PHF14: variants seen among roughly 807,000 people sequenced by gnomAD.
PHF14 encodes the protein PHD finger protein 14.
Under a neutral mutation model 117.9 loss-of-function variants are expected in PHF14, and 55 were observed. The observed-to-expected ratio is 0.47, with a 90% confidence interval of 0.38 to 0.58. The LOEUF is 0.58. Ranked by LOEUF, PHF14 falls within the 20% of genes least tolerant of loss-of-function variation. The pLI, the probability that PHF14 is intolerant of heterozygous loss-of-function variation, is 0.00. For missense variants in PHF14, 978 were observed against 1,122.2 expected (o/e 0.87, Z 1.84); for synonymous variants, 409 against 368.6 (o/e 1.11, Z -1.26).
intron 3 of PHF14, among the ~76,000 whole-genome samples, chr7:10,983,940 TTGTC>T (rs374242270): frequency 5.4e-4 from 82 of 152,270 alleles, no homozygotes; most frequent in African/African-American, 7.9e-4. Context: ...TTGTGTCTCT[TTGTC>T]TGTGTGTTTT....
intron 14 of PHF14, among the ~76,000 whole-genome samples, chr7:11,054,999 C>T (rs2128327660): frequency 6.6e-6 from 1 of 152,210 alleles, no homozygotes; most frequent in South Asian, 2.1e-4. Flanking sequence ...AGCTCATGGA[C>T]CTGAACTCCT....
At position 11,071,868 on chromosome 7, in the gene PHF14, A is replaced by T. The variant is rs145183451; in HGVS notation, c.2654+9783A>T. ...ATGAAAAAATTACACCATTTTATTC[A>T]TTCTTCAACTCAGTACTTTTAATTT... is the stretch of plus-strand genomic sequence containing the variant. On this transcript the variant is annotated intron_variant, in intron 16 of 17. Coordinates refer to ENST00000634607, the MANE Select transcript of PHF14 (RefSeq NM_001007157.2). 4.6e-3 allele frequency among the ~76,000 whole-genome samples: 703 copies of T among 152,338 alleles called. 4 individuals carry two copies. Among genetic ancestry groups the T allele is most frequent in the African/African-American group, 0.016 (672 of 41,568 alleles).
intron 12 of PHF14, 66 bp from the exon 13 acceptor site, chr7:11,042,617 C>T: frequency 9.0e-7 from 1 of 1,107,056 alleles, no homozygotes; most frequent in Non-Finnish European, 1.3e-6. Flanking sequence ...GAAAAATATG[C>T]TATAAGTAAA....
intron 12 of PHF14, among the ~76,000 whole-genome samples, chr7:11,042,388 G>A (rs1004198034): frequency 1.3e-5 from 2 of 151,806 alleles, no homozygotes; most frequent in African/African-American, 4.8e-5. Context: ...AAATTAAAAT[G>A]AATATGATGT....
chr7:10,996,088 CATT>C (rs1207811565), intron 4 of PHF14, among the ~76,000 whole-genome samples: 30 of 152,338 alleles, frequency 2.0e-4, no homozygotes, highest in Non-Finnish European at 4.3e-4. Context: ...TGTCACCTAT[CATT>C]ATGATGGATG....
chr7:11,166,508 C>A (rs573364054), intron 17 of PHF14, among the ~76,000 whole-genome samples: 1 of 151,918 alleles, frequency 6.6e-6, no homozygotes, highest in South Asian at 2.1e-4. Flanking sequence ...TCTGGAACTG[C>A]GTATAAATTC....
intron 17 of PHF14, among the ~76,000 whole-genome samples, chr7:11,118,176 A>G (rs1385699076): frequency 1.3e-5 from 2 of 151,978 alleles, no homozygotes; most frequent in African/African-American, 4.8e-5. Flanking sequence ...TTAGAATTAA[A>G]TAGAACAAAT....
Position 11,121,953 on chromosome 7 carries a change from C to A in PHF14, c.2772+10486C>A, listed in dbSNP as rs538527948. Among the ~76,000 whole-genome samples the A allele has an allele frequency of 7.2e-5, 11 of 151,802 alleles. No homozygotes were observed. In the South Asian group the frequency reaches 2.3e-3, roughly 32 times the overall value. On this transcript the variant is annotated intron_variant, in intron 17 of 17. Transcript: ENST00000634607. ...TGGTGGTTTGCTGCACCTGTCAACC[C>A]GTCAGACGTTTTAAGCCCTGCATGC...
intron 16 of PHF14, among the ~76,000 whole-genome samples, chr7:11,068,319 C>T (rs1785492214): frequency 7.5e-6 from 1 of 133,128 alleles, no homozygotes; most frequent in African/African-American, 2.8e-5. Context: ...CACTGCACTC[C>T]AGCCTGGGTG....
At chr7:11,129,095 T>C (rs543884369) in intron 17 of PHF14, among the ~76,000 whole-genome samples, 6 of 152,186 alleles carry the variant, frequency 3.9e-5, no homozygotes, top group Non-Finnish European at 7.4e-5. Flanking sequence ...TTTTCTAAGA[T>C]AGATTTAAGA....
rs1784541470 is a variant in PHF14 at position 11,042,832 on chromosome 7, G to T, written c.2312+18G>T. 2 of 1,521,680 alleles carry T rather than the reference G, an allele frequency of 1.3e-6. No individual in the cohort carries two copies. Among genetic ancestry groups the T allele is most frequent in the Non-Finnish European group, 8.9e-7 (1 of 1,118,242 alleles). 94.3% of individuals were successfully genotyped at this position (1,521,680 alleles called of 1,614,324 possible). ...AGTTATTGGTGAGTAAAATAGAGGA[G>T]ATTTAGATGTTTGAATTGATTTACT... On this transcript the variant is annotated intron_variant, in intron 13 of 17. Transcript: ENST00000634607.
intron 17 of PHF14, among the ~76,000 whole-genome samples, chr7:11,167,595 G>C (rs1211377093): frequency 1.3e-5 from 2 of 152,200 alleles, no homozygotes; most frequent in Non-Finnish European, 2.9e-5. Context: ...TTGAGGAACA[G>C]ATGGACAAAT....
intron 13 of PHF14, among the ~76,000 whole-genome samples, chr7:11,050,219 C>T (rs935436050): frequency 6.6e-6 from 1 of 151,880 alleles, no homozygotes; most frequent in Non-Finnish European, 1.5e-5. Flanking sequence ...TTTGATGGAA[C>T]GAAATCAAAT....
In PHF14 at chr7:11,021,883, T is replaced by C. The variant is rs563879687; in HGVS notation, c.1206-985T>C. ...GGTCTTAGTCCTCTAAAACTCATAATGCACCACAAAAACCAGAACCATGTA... is the reference window on the plus strand; with the variant it reads ...GGTCTTAGTCCTCTAAAACTCATAACGCACCACAAAAACCAGAACCATGTA... On this transcript the variant is annotated intron_variant, in intron 5 of 17. Transcript: ENST00000634607. Among the ~76,000 whole-genome samples the C allele has an allele frequency of 2.0e-3, 304 of 152,292 alleles. 3 individuals are homozygous for C. Among genetic ancestry groups the C allele is most frequent in the African/African-American group, 6.8e-3 (283 of 41,564 alleles).
chr7:11,103,424 A>G (rs1787156606), intron 16 of PHF14: 1 of 982,364 alleles, frequency 1.0e-6, no homozygotes, highest in Admixed American at 6.2e-5. Flanking sequence ...GCTGAAAGAA[A>G]GATCTTCATC....
At chr7:11,112,618 A>C (rs571644523) in intron 17 of PHF14, among the ~76,000 whole-genome samples, 20 of 152,214 alleles carry the variant, frequency 1.3e-4, no homozygotes, top group African/African-American at 4.8e-4. Context: ...AAAGATACAA[A>C]AAATTAGCCA....
intron 17 of PHF14, among the ~76,000 whole-genome samples, chr7:11,117,501 T>TA (rs1787629359): frequency 6.6e-6 from 1 of 150,496 alleles, no homozygotes; most frequent in South Asian, 2.1e-4. Context: ...GTAGAGGACA[T>TA]ACGATATTTT....
chr7:11,017,774 T>C (rs1783582836), intron 5 of PHF14, among the ~76,000 whole-genome samples: 1 of 152,102 alleles, frequency 6.6e-6, no homozygotes, highest in Non-Finnish European at 1.5e-5. Context: ...AAACCTGATA[T>C]GATATCTTTC....
intron 7 of PHF14, among the ~76,000 whole-genome samples, chr7:11,032,782 A>G (rs918572040): frequency 5.9e-5 from 9 of 152,156 alleles, no homozygotes; most frequent in Non-Finnish European, 1.3e-4. Flanking sequence ...ACTGCTTCTC[A>G]AGGCATTTGT....
Sources: gnomAD v4.1 joint callset for allele counts (sites outside exome capture counted in the v4.1 genomes callset) on GRCh38, gnomAD v4.1.1 for gene constraint, MANE v1.5 for transcripts, NCBI Gene and HGNC (gene_info 2026-07-23, HGNC 2026-07-21) for gene names.